TMEM108: variants seen among roughly 807,000 people sequenced by gnomAD.
The protein encoded by TMEM108 is transmembrane protein 108.
In TMEM108, 12 loss-of-function variants were observed where a neutral mutation model predicts 35.1. That is an observed-to-expected ratio of 0.34 (90% CI 0.22 to 0.55). The LOEUF (loss-of-function observed/expected upper bound fraction) is 0.55, where lower values mean the gene tolerates loss of function less well. Among genes scored for constraint, TMEM108 ranks in the 20% least tolerant of loss-of-function variants. The probability of loss-of-function intolerance (pLI) is 0.89; values close to 1 mark genes in which losing one functional copy is unlikely to be tolerated. For synonymous variants in TMEM108, 287 were observed against 308.6 expected (o/e 0.93, Z 0.73); for missense variants, 680 against 753.3 (o/e 0.90, Z 1.14).
intron 3 of TMEM108, among the ~76,000 whole-genome samples, chr3:133,334,648 C>T (rs1339235775): frequency 6.6e-6 from 1 of 152,104 alleles, no homozygotes; most frequent in East Asian, 1.9e-4. Flanking sequence ...AGGGATCTGA[C>T]ACACGCTTTC....
At chr3:133,094,233 A>AC (rs1414247366) in intron 2 of TMEM108, among the ~76,000 whole-genome samples, 3,310 of 23,308 alleles carry the variant, frequency 0.14, 83 homozygotes, top group South Asian at 0.25. Flanking sequence ...CCCACCCCCC[A>AC]CCCCCCCCAC....
At chr3:133,221,016 C>G (rs575829706) in intron 2 of TMEM108, among the ~76,000 whole-genome samples, 1 of 152,050 alleles carries the variant, frequency 6.6e-6, no homozygotes, top group Non-Finnish European at 1.5e-5. Flanking sequence ...TAGAACAGTC[C>G]CAAGCATAGG....
At chr3:133,221,924 A>T (rs1409184629) in intron 2 of TMEM108, among the ~76,000 whole-genome samples, 1 of 152,140 alleles carries the variant, frequency 6.6e-6, no homozygotes, top group East Asian at 1.9e-4. Context: ...TTTATATTTT[A>T]ACCTCCATAC....
intron 2 of TMEM108, among the ~76,000 whole-genome samples, chr3:133,091,493 TG>T (rs1409840766): frequency 6.6e-5 from 10 of 152,216 alleles, no homozygotes; most frequent in Non-Finnish European, 1.5e-4. Context: ...TTATTGATTA[TG>T]ATGCATAATA....
intron 3 of TMEM108, among the ~76,000 whole-genome samples, chr3:133,263,890 G>T (rs1946659725): frequency 1.3e-5 from 2 of 152,114 alleles, no homozygotes; most frequent in African/African-American, 2.4e-5. Flanking sequence ...CAGTTATTTT[G>T]TCTGTTTATG....
intron 2 of TMEM108, among the ~76,000 whole-genome samples, chr3:133,096,646 A>T (rs2107711559): frequency 6.6e-6 from 1 of 152,334 alleles, no homozygotes; most frequent in East Asian, 1.9e-4. Flanking sequence ...AATATGTATT[A>T]AAATAGATGA....
intron 2 of TMEM108, among the ~76,000 whole-genome samples, chr3:133,159,548 C>T (rs1016775682): frequency 6.6e-6 from 1 of 152,162 alleles, no homozygotes; most frequent in Admixed American, 6.5e-5. Flanking sequence ...GGTTTACGTT[C>T]AGATTTAAGA....
Position 133,380,447 on chromosome 3 carries a change from T to TC in TMEM108, c.737dup (p.Ser247PhefsTer78). ...CAGGACCCCACTCTGGGGCTACTCC[T>TC]CTTCACCACAGCCCCAGACAGTGGC... is the stretch of plus-strand genomic sequence containing the variant. On this transcript the variant is annotated frameshift_variant, in exon 4 of 6. Coordinates refer to ENST00000321871, the MANE Select transcript of TMEM108 (RefSeq NM_023943.4). LOFTEE classifies it high-confidence loss of function. The surrounding 1 kb of genome is among the most constrained non-coding windows in gnomAD (Gnocchi z 5.3). The TC allele has an allele frequency of 6.2e-7, 1 of 1,613,884 alleles. No individual in the cohort carries two copies. Among genetic ancestry groups the TC allele is most frequent in the Non-Finnish European group, 8.5e-7 (1 of 1,179,926 alleles).
intron 2 of TMEM108, among the ~76,000 whole-genome samples, chr3:133,179,101 A>G (rs868608427): frequency 0.059 from 8,889 of 151,354 alleles, 260 homozygotes; most frequent in Non-Finnish European, 0.089. Flanking sequence ...CAAAACCACA[A>G]TGAGATACCA....
Position 133,074,773 on chromosome 3 carries a change from G to A in TMEM108, c.-47+28753G>A, listed in dbSNP as rs1029205462. 3.3e-5 allele frequency among the ~76,000 whole-genome samples: 5 copies of A among 152,338 alleles called. No individual in the cohort carries two copies. The East Asian group carries it at 7.7e-4, about 23-fold the overall frequency. ...CAAAGTGCTGGGATTACAGGCGTGA[G>A]CCACTGCACCTGGCCACAAAGCCTA... On this transcript the variant is annotated intron_variant, in intron 2 of 5. Transcript: ENST00000321871.
chr3:133,232,927 T>C (rs1176745284), intron 3 of TMEM108, among the ~76,000 whole-genome samples: 1 of 152,190 alleles, frequency 6.6e-6, no homozygotes, highest in East Asian at 1.9e-4. Context: ...CATTTTTCTT[T>C]CTGAGACCTA....
intron 2 of TMEM108, among the ~76,000 whole-genome samples, chr3:133,177,740 T>G (rs1945259447): frequency 6.6e-6 from 1 of 152,180 alleles, no homozygotes; most frequent in South Asian, 2.1e-4. Context: ...GCATTCCCTT[T>G]GAAAACTGGC....
intron 3 of TMEM108, among the ~76,000 whole-genome samples, chr3:133,310,196 G>T (rs2071106247): frequency 6.6e-6 from 1 of 152,184 alleles, no homozygotes; most frequent in South Asian, 2.1e-4. Context: ...GGGGTGGAGA[G>T]TTCTGTAGAT....
At chr3:133,308,982 A>G (rs1183674456) in intron 3 of TMEM108, among the ~76,000 whole-genome samples, 4 of 152,262 alleles carry the variant, frequency 2.6e-5, no homozygotes, top group African/African-American at 7.2e-5. Context: ...CTCTGAATCC[A>G]TCTGGTCCTG....
intron 1 of TMEM108, among the ~76,000 whole-genome samples, chr3:133,041,529 A>T (rs1013188702): frequency 6.6e-6 from 1 of 152,196 alleles, no homozygotes; most frequent in Non-Finnish European, 1.5e-5. Flanking sequence ...CTCAAACGAA[A>T]TCTCAAAGAA....
intron 2 of TMEM108, among the ~76,000 whole-genome samples, chr3:133,223,440 G>T (rs1267918345): frequency 6.6e-6 from 1 of 152,176 alleles, no homozygotes; most frequent in African/African-American, 2.4e-5. Context: ...ATAGGCATGG[G>T]CCTGGAGCAT....
chr3:133,386,501 C>T, intron 4 of TMEM108: 1 of 1,535,670 alleles, frequency 6.5e-7, no homozygotes, highest in African/African-American at 1.4e-5. Context: ...AATGGAGTGA[C>T]CCCTCTTCTT....
intron 2 of TMEM108, among the ~76,000 whole-genome samples, chr3:133,169,057 C>CA (rs1006073282): frequency 3.3e-5 from 5 of 152,358 alleles, no homozygotes; most frequent in African/African-American, 1.2e-4. Flanking sequence ...CTGTAACACT[C>CA]ACCGTGAGGG....
intron 2 of TMEM108, among the ~76,000 whole-genome samples, chr3:133,202,692 G>A (rs1266942940): frequency 1.3e-5 from 2 of 152,096 alleles, no homozygotes; most frequent in Non-Finnish European, 2.9e-5. Flanking sequence ...TTTGGTTACT[G>A]TAGCCTTGTA....
Sources: allele counts gnomAD v4.1 joint callset (sites outside exome capture counted in the v4.1 genomes callset), GRCh38; gene constraint gnomAD v4.1.1; non-coding constraint Gnocchi (gnomAD v3.1); transcripts MANE v1.5; gene names NCBI Gene and HGNC (gene_info 2026-07-23, HGNC 2026-07-21).